The following TUBA1C variants were observed in gnomAD, a reference collection of about 807,000 sequenced individuals.
TUBA1C encodes the protein tubulin alpha 1c.
Under a neutral mutation model 34.9 loss-of-function variants are expected in TUBA1C, and 16 were observed. The ratio of observed to expected loss-of-function variants is 0.46; its 90% CI spans 0.31 to 0.70. TUBA1C has a LOEUF of 0.70. Ranked by LOEUF, TUBA1C falls within the 30% of genes least tolerant of loss-of-function variation. The probability of loss-of-function intolerance (pLI) is 0.05; values close to 1 mark genes in which losing one functional copy is unlikely to be tolerated. For synonymous variants in TUBA1C, 177 were observed against 215.9 expected, an observed-to-expected ratio of 0.82 and a Z score of 1.58; for missense variants, 329 against 587.3, an observed-to-expected ratio of 0.56 and a Z score of 4.55.
At chr12:49,266,053 C>T (rs987312654) in intron 1 of TUBA1C, among the ~76,000 whole-genome samples, 2 of 148,824 alleles carry the variant, frequency 1.3e-5, no homozygotes, top group Non-Finnish European at 3.0e-5. Context: ...TCGCTTGAAC[C>T]CAGGAGGCGT....
intron 3 of TUBA1C, among the ~76,000 whole-genome samples, chr12:49,270,978 C>CA (rs1305749548): frequency 1.3e-5 from 2 of 151,430 alleles, no homozygotes; most frequent in Admixed American, 6.6e-5. Context: ...GACTCCATCT[C>CA]AAAAAAACAA....
Position 49,272,240 on chromosome 12 carries a change from T to C in TUBA1C, c.376-13T>C, listed in dbSNP as rs182625891. ...CTTTCGCAACACTAAAATGAAACTT[T>C]TTTATTTTGCAGGCTGACCAGTGCA... On this transcript the variant is annotated splice_polypyrimidine_tract_variant and intron_variant, in intron 3 of 3. Transcript: ENST00000301072. 626 of 1,580,850 alleles carry C rather than the reference T, an allele frequency of 4.0e-4. 7 individuals are homozygous for C. In the South Asian group the frequency reaches 6.9e-3, roughly 17 times the overall value.
intron 3 of TUBA1C, chr12:49,270,319 G>A (rs917314386): frequency 2.5e-6 from 1 of 406,376 alleles, no homozygotes; most frequent in African/African-American, 2.1e-5. Flanking sequence ...TGTCAATACA[G>A]AAAGTTCAGA....
intron 3 of TUBA1C, 176 bp downstream of exon 3, chr12:49,270,152 C>T (rs576277681): frequency 2.6e-5 from 35 of 1,333,598 alleles, no homozygotes; most frequent in African/African-American, 2.2e-4. Flanking sequence ...TATGGGACAA[C>T]TATGGGGTAG....
intron 1 of TUBA1C, among the ~76,000 whole-genome samples, chr12:49,256,688 A>G (rs948848010): frequency 3.3e-5 from 5 of 152,246 alleles, no homozygotes; most frequent in Non-Finnish European, 7.3e-5. Flanking sequence ...CTAGAGGATC[A>G]AAAACAGCAA....
At chr12:49,245,091 G>A (rs972000738) in intron 1 of TUBA1C, among the ~76,000 whole-genome samples, 1 of 152,130 alleles carries the variant, frequency 6.6e-6, no homozygotes, top group African/African-American at 2.4e-5. Context: ...GATAATTTTT[G>A]ATAAGACAGT....
intron 1 of TUBA1C, among the ~76,000 whole-genome samples, chr12:49,241,000 C>A (rs1272739616): frequency 6.6e-6 from 1 of 152,090 alleles, no homozygotes; most frequent in African/African-American, 2.4e-5. Context: ...CTCCTGGGTT[C>A]AAGCGATTCT....
At position 49,243,017 on chromosome 12, in the gene TUBA1C, G is replaced by A. The variant is rs116926563; in HGVS notation, c.213+14851G>A. On this transcript the variant is annotated intron_variant, in intron 1 of 3. Transcript: ENST00000541364. ...AGACAGGGTTTTTGACATGTTGCTC[G>A]GGCTGGTCTCGAACTTCTAGGCTCA... is the stretch of plus-strand genomic sequence containing the variant. 2.7e-3 allele frequency among the ~76,000 whole-genome samples: 412 copies of A among 152,026 alleles called. 1 individual carries two copies. The highest frequency in any genetic ancestry group is 4.9e-3 in the Non-Finnish European group (331 of 67,972).
chr12:49,246,460 A>G (rs1274477683), intron 1 of TUBA1C, among the ~76,000 whole-genome samples: 1 of 151,478 alleles, frequency 6.6e-6, no homozygotes, highest in Non-Finnish European at 1.5e-5. Flanking sequence ...CGGGCGGATC[A>G]CGAGGTCAGG....
At chr12:49,243,388 C>T (rs1034370160) in intron 1 of TUBA1C, among the ~76,000 whole-genome samples, 3 of 152,024 alleles carry the variant, frequency 2.0e-5, no homozygotes, top group African/African-American at 7.2e-5. Context: ...TTGCAGTGAG[C>T]CAAGATTGCA....
intron 1 of TUBA1C, among the ~76,000 whole-genome samples, chr12:49,246,029 C>T (rs1942663345): frequency 6.6e-6 from 1 of 152,132 alleles, no homozygotes; most frequent in African/African-American, 2.4e-5. Context: ...CTCAGCCTCC[C>T]AAGTAGCTGG....
intron 1 of TUBA1C, among the ~76,000 whole-genome samples, chr12:49,252,736 C>A (rs1276687142): frequency 6.6e-6 from 1 of 152,088 alleles, no homozygotes; most frequent in African/African-American, 2.4e-5. Flanking sequence ...ATGGTGAAAC[C>A]CCGTCTCTAC....
At chr12:49,237,851 G>A (rs1445762525) in intron 1 of TUBA1C, among the ~76,000 whole-genome samples, 1 of 151,930 alleles carries the variant, frequency 6.6e-6, no homozygotes, top group Non-Finnish European at 1.5e-5. Flanking sequence ...GCTCACACCT[G>A]TAATCCCGGC....
intron 1 of TUBA1C, among the ~76,000 whole-genome samples, chr12:49,237,940 C>T (rs1216069001): frequency 1.3e-5 from 2 of 151,748 alleles, no homozygotes; most frequent in Admixed American, 1.3e-4. Flanking sequence ...GAAAACTCGT[C>T]TCTACTAAAA....
intron 1 of TUBA1C, chr12:49,232,771 C>G (rs1942510591): frequency 6.6e-6 from 1 of 152,138 alleles, no homozygotes; most frequent in Non-Finnish European, 1.5e-5. Flanking sequence ...TAAGTACAAT[C>G]CCAAACACTC....
chr12:49,233,072 C>G (rs935861601), intron 1 of TUBA1C: 3 of 152,298 alleles, frequency 2.0e-5, no homozygotes, highest in East Asian at 3.9e-4. Flanking sequence ...AAGTGGCCAC[C>G]CCTCCCCGCT....
chr12:49,265,128 T>C lies in TUBA1C; in HGVS notation c.-54T>C, dbSNP rs200286811. 2.0e-4 allele frequency: 315 copies of C among 1,586,584 alleles called. No individual in the cohort carries two copies. The highest frequency in any genetic ancestry group is 2.4e-4 in the Non-Finnish European group (275 of 1,162,256). ...TTGGTAGTCTGTTAGTGGGAGATCC[T>C]TGTTGCCGTCCCTTCGCCTCCTTCA... is the stretch of plus-strand genomic sequence containing the variant. On this transcript the variant is annotated 5_prime_UTR_variant, in exon 1 of 4. Coordinates refer to ENST00000301072, the MANE Select transcript of TUBA1C (RefSeq NM_032704.5).
intron 1 of TUBA1C, among the ~76,000 whole-genome samples, chr12:49,256,822 A>T (rs570311674): frequency 6.6e-6 from 1 of 152,238 alleles, no homozygotes; most frequent in South Asian, 2.1e-4. Context: ...TGATTTGGGG[A>T]AATAAACATG....
At chr12:49,242,766 G>A (rs1366538778) in intron 1 of TUBA1C, among the ~76,000 whole-genome samples, 1 of 152,094 alleles carries the variant, frequency 6.6e-6, no homozygotes, top group East Asian at 1.9e-4. Context: ...GGGAATACAG[G>A]TATGAGCTAC....
Sources: gnomAD v4.1 joint callset for allele counts (sites outside exome capture counted in the v4.1 genomes callset) on GRCh38, gnomAD v4.1.1 for gene constraint, MANE v1.5 for transcripts, NCBI Gene and HGNC (gene_info 2026-07-23, HGNC 2026-07-21) for gene names.